Variants in PHRF1 observed in about 807,000 individuals in gnomAD.
The protein encoded by PHRF1 is PHD and ring finger domains 1.
A neutral mutation model predicts 128.9 loss-of-function variants in PHRF1; 53 were observed. The ratio of observed to expected loss-of-function variants is 0.41; its 90% CI spans 0.33 to 0.52. The LOEUF is 0.52. Among genes scored for constraint, PHRF1 ranks in the 20% least tolerant of loss-of-function variants. The pLI is 0.21. For missense variants in PHRF1, 2,503 were observed against 2,284.5 expected, an observed-to-expected ratio of 1.10 and a Z score of -1.95; for synonymous variants, 1,178 against 980.6, an observed-to-expected ratio of 1.20 and a Z score of -3.76.
Position 609,631 on chromosome 11 carries a change from C to T in PHRF1, c.4175C>T (p.Pro1392Leu), listed in dbSNP as rs770789170. The change falls in exon 14 of 18, where the codon CCC becomes CTC. Residue 1392 changes from proline to leucine, a missense_variant. Transcript: ENST00000264555. ...CCTGAGGAGGTGGTTTCGCAGACCCCCCTGCTGCGGTCCAGAGCCCTGGTG... is the reference window on the plus strand; with the variant it reads ...CCTGAGGAGGTGGTTTCGCAGACCCTCCTGCTGCGGTCCAGAGCCCTGGTG... ...ARPEEVVSQT[P>L]LLRSRALVKR... The T allele has an allele frequency of 5.7e-6, 9 of 1,580,204 alleles. No individual in the cohort carries two copies. Among genetic ancestry groups the T allele is most frequent in the East Asian group, 2.3e-5 (1 of 43,134 alleles).
rs201508784 is a variant in PHRF1 at position 611,795 on chromosome 11, C to G, written c.*18C>G. 6.3e-7 allele frequency: 1 copy of G among 1,586,322 alleles called. No homozygotes were observed. The stretch of plus-strand genomic sequence containing the variant: ...AGGGCTGAGGCCAGGCAATCACGGG[C>G]TATGCCCGGGGAGCTGTCGGGAGTG... On this transcript the variant is annotated 3_prime_UTR_variant, in exon 18 of 18. Coordinates refer to ENST00000264555, the MANE Select transcript of PHRF1 (RefSeq NM_001286581.2).
rs1419535506 is a variant in PHRF1 at position 581,624 on chromosome 11, G to C, written c.94+18G>C. 2 of 1,596,482 alleles carry C rather than the reference G, an allele frequency of 1.3e-6. No individual in the cohort carries two copies. The highest frequency in any genetic ancestry group is 1.7e-6 in the Non-Finnish European group (2 of 1,169,468). Reference sequence around the variant, plus strand: ...TGACTTTGGTGAGCTGCCTAGCGCCGGGTAGGGGCGTCCCCAGGAGGAGCA... The same window carrying C: ...TGACTTTGGTGAGCTGCCTAGCGCCCGGTAGGGGCGTCCCCAGGAGGAGCA... On this transcript the variant is annotated intron_variant, in intron 2 of 17. Coordinates refer to ENST00000264555, the MANE Select transcript of PHRF1 (RefSeq NM_001286581.2).
In PHRF1 at chr11:608,318, C is replaced by T. The variant is rs1309773264; in HGVS notation, c.2862C>T (p.Gly954=). The change falls in exon 14 of 18, where the codon GGC becomes GGT. Residue 954 remains glycine, a synonymous_variant. Transcript: ENST00000264555. ...EDGASCSTFF[G]SEERTVTCVT... ...GGGCGTCTTGCAGCACCTTCTTTGG[C>T]TCTGAGGAGCGGACGGTGACCTGTG... The T allele has an allele frequency of 1.2e-6, 2 of 1,609,670 alleles. No individual in the cohort carries two copies.
At chr11:610,173 C>G (rs768422794) in intron 14 of PHRF1, 23 bp from the exon 15 acceptor site, 17 of 1,484,788 alleles carry the variant, frequency 1.1e-5, no homozygotes, top group Non-Finnish European at 1.4e-5. Context: ...GAGCACCCAC[C>G]TCCCTGTCTG....
intron 6 of PHRF1, among the ~76,000 whole-genome samples, chr11:594,478 G>A (rs927559478): frequency 6.6e-6 from 1 of 152,138 alleles, no homozygotes; most frequent in African/African-American, 2.4e-5. Context: ...GGAGTGCAGT[G>A]GCGCCATCTT....
intron 3 of PHRF1, among the ~76,000 whole-genome samples, chr11:585,105 G>A (rs1279678745): frequency 2.6e-5 from 4 of 152,180 alleles, no homozygotes; most frequent in African/African-American, 9.7e-5. Context: ...TGTTGAGGAG[G>A]GAGTTATTCC....
At chr11:605,867 C>A in intron 12 of PHRF1, 143 bp downstream of exon 12, 2 of 1,329,062 alleles carry the variant, frequency 1.5e-6, no homozygotes, top group South Asian at 3.1e-5. Context: ...GCTCATCAGT[C>A]GGCCCTTGGC....
In PHRF1 at chr11:598,400, C is replaced by A; in HGVS notation, c.922C>A (p.Leu308Met). ...CACACCAGGGCGCCTCGGGTCTTCC[C>A]TGCTGGATGAAGCCATCGAGGCTGT... Reference protein sequence around the residue: ...QHTPGRLGSSLLDEAIEAVAT... With the variant: ...QHTPGRLGSSMLDEAIEAVAT... The change falls in exon 9 of 18, where the codon CTG becomes ATG. Residue 308 changes from leucine to methionine, a missense_variant. Leu to Met is a conservative substitution (Grantham distance 15). Coordinates refer to ENST00000264555, the MANE Select transcript of PHRF1 (RefSeq NM_001286581.2). The A allele has an allele frequency of 1.9e-6, 3 of 1,610,840 alleles. No individual in the cohort carries two copies. The highest frequency in any genetic ancestry group is 2.5e-6 in the Non-Finnish European group (3 of 1,179,818).
chr11:580,080 A>G (rs1002708616), intron 1 of PHRF1, among the ~76,000 whole-genome samples: 1 of 152,104 alleles, frequency 6.6e-6, no homozygotes, highest in Non-Finnish European at 1.5e-5. Flanking sequence ...CTCTTGTGCG[A>G]TGCGCTTTCC....
At chr11:606,318 G>A (rs1158242569) in intron 12 of PHRF1, 124 bp from the exon 13 acceptor site, 3 of 1,261,362 alleles carry the variant, frequency 2.4e-6, no homozygotes, top group African/African-American at 1.5e-5. Context: ...AGGGCTGTGG[G>A]GGAGGCGCAG....
chr11:601,594 G>A lies in PHRF1; in HGVS notation c.1045G>A (p.Gly349Arg). 6.2e-7 allele frequency: 1 copy of A among 1,613,742 alleles called. No homozygotes were observed. Among genetic ancestry groups the A allele is most frequent in the Non-Finnish European group, 8.5e-7 (1 of 1,179,882 alleles). Residue 349 changes from glycine (G) to arginine (R), a missense_variant, in exon 10 of 18, where the codon GGA becomes AGA. Coordinates refer to ENST00000264555, the MANE Select transcript of PHRF1 (RefSeq NM_001286581.2). Reference protein sequence around the residue: ...RKTRRRKKVPGRKKTPSGPSA... With the variant: ...RKTRRRKKVPRRKKTPSGPSA... ...CTTAGGAAGACGGAAGAAAGTGCCG[G>A]GAAGAAAGAAAACCCCGTCCGGACC...
chr11:594,491 C>CTCACTGCAACCTCTGCAGCGAG (rs532222129), intron 6 of PHRF1, among the ~76,000 whole-genome samples: 43 of 152,300 alleles, frequency 2.8e-4, no homozygotes, highest in South Asian at 6.2e-4. Context: ...GCCATCTTGG[C>CTCACTGCAACCTCTGCAGCGAG]TCACTGCAAC....
At chr11:592,413 C>T (rs1855028999) in intron 5 of PHRF1, 146 bp from the exon 6 acceptor site, 2 of 726,866 alleles carry the variant, frequency 2.8e-6, no homozygotes, top group African/African-American at 1.7e-5. Flanking sequence ...TCCCTGTGTA[C>T]ACGTGGAGGG....
chr11:610,740 G>A lies in PHRF1; in HGVS notation c.4656G>A (p.Ala1552=), dbSNP rs374390951. ...EEKTPAPRLA[A]EKTKKEEYMK... ...AGACCCCGGCCCCCAGGCTAGCTGCGGAGAAAACCAAGAAGGAGGAGGTGA... is the reference window on the plus strand; with the variant it reads ...AGACCCCGGCCCCCAGGCTAGCTGCAGAGAAAACCAAGAAGGAGGAGGTGA... Residue 1552 remains alanine (A), a synonymous_variant, in exon 16 of 18, where the codon GCG becomes GCA. Coordinates refer to ENST00000264555, the MANE Select transcript of PHRF1 (RefSeq NM_001286581.2). 87 of 1,601,456 alleles carry A rather than the reference G, an allele frequency of 5.4e-5. No homozygotes were observed. Among genetic ancestry groups the A allele is most frequent in the Non-Finnish European group, 6.3e-5 (74 of 1,179,774 alleles).
intron 12 of PHRF1, 125 bp from the exon 13 acceptor site, chr11:606,317 G>A: frequency 2.4e-6 from 3 of 1,253,536 alleles, no homozygotes; most frequent in Non-Finnish European, 3.2e-6. Flanking sequence ...CAGGGCTGTG[G>A]GGGAGGCGCA....
chr11:596,862 G>A (rs1351549739), intron 6 of PHRF1, 61 bp from the exon 7 acceptor site: 1 of 1,474,720 alleles, frequency 6.8e-7, no homozygotes. Flanking sequence ...CCCCTCACTT[G>A]AGGAGGTTTG....
intron 10 of PHRF1, 129 bp from the exon 11 acceptor site, chr11:604,990 A>G (rs1051586960): frequency 1.2e-5 from 11 of 913,628 alleles, no homozygotes; most frequent in Non-Finnish European, 1.6e-5. Context: ...AAGCCCATTG[A>G]CTTTGGCTTA....
At chr11:582,718 G>GA (rs1564838828) in intron 3 of PHRF1, among the ~76,000 whole-genome samples, 1 of 151,680 alleles carries the variant, frequency 6.6e-6, no homozygotes. Flanking sequence ...TAGAGATGGG[G>GA]TTTCACCGCG....
intron 6 of PHRF1, among the ~76,000 whole-genome samples, chr11:592,965 TG>T (rs1855068846): frequency 6.6e-6 from 1 of 152,288 alleles, no homozygotes; most frequent in African/African-American, 2.4e-5. Context: ...AGCCAGAGGG[TG>T]GGACGTGTCC....
Sources: gnomAD v4.1 joint callset for allele counts (sites outside exome capture counted in the v4.1 genomes callset) on GRCh38, gnomAD v4.1.1 for gene constraint, MANE v1.5 for transcripts, NCBI Gene and HGNC (gene_info 2026-07-23, HGNC 2026-07-21) for gene names.